Variants in PCDH9 observed in about 807,000 individuals in gnomAD.
PCDH9 encodes the protein protocadherin 9.
A neutral mutation model predicts 70.6 loss-of-function variants in PCDH9; 24 were observed. That is an observed-to-expected ratio of 0.34 (90% CI 0.25 to 0.48). The LOEUF (loss-of-function observed/expected upper bound fraction) is 0.48. PCDH9 is among the 20% of genes least tolerant of loss of function. The pLI is 0.99. For missense variants in PCDH9, 1,281 were observed against 1,503.6 expected (o/e 0.85, Z 2.45); for synonymous variants, 562 against 558.5 (o/e 1.01, Z -0.09).
At chr13:66,778,910 C>T (rs1225951270) in intron 3 of PCDH9, among the ~76,000 whole-genome samples, 2 of 152,194 alleles carry the variant, frequency 1.3e-5, no homozygotes, top group Admixed American at 1.3e-4. Context: ...TTGTTGCTCT[C>T]TACTTTCTGT....
At chr13:67,222,587 C>T (rs1430828054) in intron 2 of PCDH9, 1 of 152,062 alleles carries the variant, frequency 6.6e-6, no homozygotes. Flanking sequence ...GTTTGGTAAG[C>T]TTTTAACCAA....
intron 4 of PCDH9, among the ~76,000 whole-genome samples, chr13:66,546,724 C>G (rs1422739192): frequency 6.6e-6 from 1 of 152,162 alleles, no homozygotes; most frequent in Non-Finnish European, 1.5e-5. Flanking sequence ...CTCACTGACT[C>G]ACCCAGAGCT....
At chr13:66,349,701 G>C (rs966455480) in intron 4 of PCDH9, among the ~76,000 whole-genome samples, 2 of 152,120 alleles carry the variant, frequency 1.3e-5, no homozygotes, top group Non-Finnish European at 2.9e-5. Flanking sequence ...CCTGGCTTAG[G>C]GGGTAGTGAG....
intron 2 of PCDH9, among the ~76,000 whole-genome samples, chr13:67,074,616 G>C (rs1056009519): frequency 6.6e-6 from 1 of 152,088 alleles, no homozygotes; most frequent in African/African-American, 2.4e-5. Context: ...TCAAGAAGTT[G>C]TTTCATTTAT....
chr13:66,642,419 C>A (rs2077720515), intron 3 of PCDH9, among the ~76,000 whole-genome samples: 1 of 151,894 alleles, frequency 6.6e-6, no homozygotes. Flanking sequence ...TAGAATTCAT[C>A]ATATGCAATT....
intron 2 of PCDH9, among the ~76,000 whole-genome samples, chr13:66,977,009 G>A (rs1294684066): frequency 6.6e-6 from 1 of 152,080 alleles, no homozygotes; most frequent in Non-Finnish European, 1.5e-5. Context: ...CTGCACCCCA[G>A]TGATCCAAAG....
At chr13:66,785,019 G>A (rs903939027) in intron 3 of PCDH9, among the ~76,000 whole-genome samples, 1 of 151,904 alleles carries the variant, frequency 6.6e-6, no homozygotes, top group African/African-American at 2.4e-5. Flanking sequence ...ATTATTAAAA[G>A]TTATAAACCT....
At chr13:66,871,103 T>C (rs1391343668) in intron 3 of PCDH9, among the ~76,000 whole-genome samples, 2 of 151,666 alleles carry the variant, frequency 1.3e-5, no homozygotes, top group African/African-American at 2.4e-5. Flanking sequence ...ATGGATGAAA[T>C]TGGAAATCAT....
At chr13:66,654,705 CTGTT>C (rs143186257) in intron 3 of PCDH9, among the ~76,000 whole-genome samples, 1,533 of 151,902 alleles carry the variant, frequency 0.01, 26 homozygotes, top group African/African-American at 0.034. Flanking sequence ...TTGTTGTTGT[CTGTT>C]TGTTTGTTTG....
intron 2 of PCDH9, among the ~76,000 whole-genome samples, chr13:67,123,276 A>G (rs1566439257): frequency 1.3e-5 from 2 of 152,216 alleles, no homozygotes; most frequent in South Asian, 2.1e-4. Context: ...ATATGGCAGC[A>G]TATTTCCTAT....
chr13:66,872,706 T>A (rs530449360), intron 3 of PCDH9, among the ~76,000 whole-genome samples: 385 of 152,240 alleles, frequency 2.5e-3, no homozygotes, highest in Admixed American at 3.6e-3. Context: ...AACACAGGTA[T>A]CCCATAGGTC....
intron 2 of PCDH9, among the ~76,000 whole-genome samples, chr13:67,154,595 A>AT (rs1206022574): frequency 0.058 from 5,108 of 88,638 alleles, 625 homozygotes; most frequent in Non-Finnish European, 0.082. Context: ...AAAAAAAAAA[A>AT]ATATATATAT....
intron 3 of PCDH9, among the ~76,000 whole-genome samples, chr13:66,738,205 C>T (rs1325684945): frequency 6.6e-6 from 1 of 151,874 alleles, no homozygotes; most frequent in Non-Finnish European, 1.5e-5. Flanking sequence ...AGCAGCCTAA[C>T]TGGGAGGCAC....
At chr13:67,058,806 T>C (rs2085473959) in intron 2 of PCDH9, among the ~76,000 whole-genome samples, 1 of 152,114 alleles carries the variant, frequency 6.6e-6, no homozygotes, top group Non-Finnish European at 1.5e-5. Flanking sequence ...GAAGCCCATA[T>C]CCTGAAATTA....
intron 2 of PCDH9, among the ~76,000 whole-genome samples, chr13:67,072,306 G>C (rs888568730): frequency 5.9e-5 from 9 of 151,882 alleles, no homozygotes; most frequent in African/African-American, 2.2e-4. Context: ...ATTCTAGAAG[G>C]GTCTTACCCT....
At chr13:67,229,390 C>A (rs1228377776) in intron 1 of PCDH9, among the ~76,000 whole-genome samples, 1 of 152,152 alleles carries the variant, frequency 6.6e-6, no homozygotes, top group Admixed American at 6.5e-5. Context: ...TTCTACTGAA[C>A]ATAAAAGAGA....
intron 4 of PCDH9, among the ~76,000 whole-genome samples, chr13:66,373,151 A>T (rs1429372177): frequency 6.6e-6 from 1 of 152,046 alleles, no homozygotes; most frequent in Non-Finnish European, 1.5e-5. Context: ...AATATTATTT[A>T]GCCACAACAG....
chr13:66,934,094 T>C (rs1229541918), intron 2 of PCDH9, among the ~76,000 whole-genome samples: 1 of 152,158 alleles, frequency 6.6e-6, no homozygotes, highest in African/African-American at 2.4e-5. Context: ...GCCTTGCTAC[T>C]AGACAAGCAA....
intron 3 of PCDH9, among the ~76,000 whole-genome samples, chr13:66,858,067 AGC>A (rs2081423534): frequency 6.6e-6 from 1 of 152,172 alleles, no homozygotes; most frequent in Non-Finnish European, 1.5e-5. Flanking sequence ...CCTTTAAAAT[AGC>A]ATCCTTACTA....
Sources: allele counts gnomAD v4.1 joint callset (sites outside exome capture counted in the v4.1 genomes callset), GRCh38; gene constraint gnomAD v4.1.1; transcripts MANE v1.5; gene names NCBI Gene and HGNC (gene_info 2026-07-23, HGNC 2026-07-21).